Variants in PACS1 observed in about 807,000 individuals in gnomAD.
PACS1 encodes phosphofurin acidic cluster sorting protein 1, also known as PACS-1.
A neutral mutation model predicts 115.0 loss-of-function variants in PACS1; 24 were observed. The observed-to-expected ratio is 0.21, with a 90% CI of 0.15 to 0.29. The LOEUF (loss-of-function observed/expected upper bound fraction) is 0.29, where lower values mean the gene tolerates loss of function less well. PACS1 is among the 10% of genes least tolerant of loss of function. The pLI, the probability that PACS1 is intolerant of heterozygous loss-of-function variation, is 1.00. For synonymous variants in PACS1, 453 were observed against 504.5 expected, an observed-to-expected ratio of 0.90 and a Z score of 1.37; for missense variants, 838 against 1,251.2, an observed-to-expected ratio of 0.67 and a Z score of 4.98.
chr11:66,174,017 A>G (rs886230026), intron 1 of PACS1, among the ~76,000 whole-genome samples: 1 of 151,962 alleles, frequency 6.6e-6, no homozygotes, highest in African/African-American at 2.4e-5. Context: ...GTGCCATTGC[A>G]CTCCAGCTGG....
chr11:66,120,849 G>A (rs1858420914), intron 1 of PACS1, among the ~76,000 whole-genome samples: 1 of 152,146 alleles, frequency 6.6e-6, no homozygotes, highest in South Asian at 2.1e-4. Flanking sequence ...TCACTTCCCT[G>A]TTCTCCTAAC....
chr11:66,113,412 A>T (rs1029879125), intron 1 of PACS1, among the ~76,000 whole-genome samples: 1 of 152,108 alleles, frequency 6.6e-6, no homozygotes, highest in African/African-American at 2.4e-5. Flanking sequence ...CATCTTTCTA[A>T]TTGCAGGGTT....
chr11:66,139,835 T>C (rs1858938234), intron 1 of PACS1, among the ~76,000 whole-genome samples: 3 of 152,230 alleles, frequency 2.0e-5, no homozygotes, highest in Admixed American at 2.0e-4. Flanking sequence ...CTCTTTTCTA[T>C]ACTGATTTCC....
At chr11:66,189,896 C>T (rs1345387293) in intron 1 of PACS1, among the ~76,000 whole-genome samples, 1 of 152,192 alleles carries the variant, frequency 6.6e-6, no homozygotes, top group Non-Finnish European at 1.5e-5. Flanking sequence ...GGGAAAGGCA[C>T]TCAAGGCATT....
At chr11:66,140,788 T>C (rs1858961965) in intron 1 of PACS1, among the ~76,000 whole-genome samples, 1 of 152,096 alleles carries the variant, frequency 6.6e-6, no homozygotes, top group Non-Finnish European at 1.5e-5. Flanking sequence ...TTATATATAG[T>C]GTCTCTTTCT....
chr11:66,139,304 A>C (rs111550940), intron 1 of PACS1, among the ~76,000 whole-genome samples: 1,605 of 152,276 alleles, frequency 0.011, 27 homozygotes, highest in African/African-American at 0.036. Context: ...GGGGTGTCCA[A>C]CTCAAGCATT....
At chr11:66,228,721 G>T (rs924556674) in intron 11 of PACS1, among the ~76,000 whole-genome samples, 1 of 152,154 alleles carries the variant, frequency 6.6e-6, no homozygotes, top group Non-Finnish European at 1.5e-5. Context: ...TGAGGGTGAC[G>T]TCAGCATACC....
intron 1 of PACS1, among the ~76,000 whole-genome samples, chr11:66,156,197 T>A (rs537343788): frequency 7.5e-6 from 1 of 132,990 alleles, no homozygotes; most frequent in Non-Finnish European, 1.6e-5. Context: ...TTGTTTCATT[T>A]TTTAAATTAT....
chr11:66,166,824 A>G lies in PACS1; in HGVS notation c.357-26662A>G, dbSNP rs111715606. On this transcript the variant is annotated intron_variant, in intron 1 of 23. Transcript: ENST00000320580. Reference sequence around the variant, plus strand: ...CAGGCAGTGTTCTCAGTGCTTTTATATATATGGGCACTAAGAGCAACCCTA... The same window carrying G: ...CAGGCAGTGTTCTCAGTGCTTTTATGTATATGGGCACTAAGAGCAACCCTA... 2.7e-4 allele frequency among the ~76,000 whole-genome samples: 40 copies of G among 150,398 alleles called. 3 individuals carry two copies. The highest frequency in any genetic ancestry group is 9.8e-4 in the African/African-American group (39 of 39,770).
At chr11:66,153,490 TAAA>T (rs1296437988) in intron 1 of PACS1, among the ~76,000 whole-genome samples, 1 of 151,898 alleles carries the variant, frequency 6.6e-6, no homozygotes, top group Non-Finnish European at 1.5e-5. Context: ...ACCTAAAAAA[TAAA>T]AAACCTGGCC....
intron 2 of PACS1, among the ~76,000 whole-genome samples, chr11:66,205,159 A>G (rs1203798): frequency 0.4 from 60,564 of 151,454 alleles, 13,140 homozygotes; most frequent in Non-Finnish European, 0.48. Flanking sequence ...TAAATTTTGT[A>G]TTTTTAGTAG....
chr11:66,173,608 G>A (rs913914810), intron 1 of PACS1, among the ~76,000 whole-genome samples: 2 of 152,068 alleles, frequency 1.3e-5, no homozygotes, highest in Non-Finnish European at 2.9e-5. Flanking sequence ...TACTTGGGAG[G>A]CTGAGGCAGG....
chr11:66,243,504 C>T lies in PACS1; in HGVS notation c.*224C>T. On this transcript the variant is annotated 3_prime_UTR_variant, in exon 24 of 24. Transcript: ENST00000320580. ...TCCTCCTTCCCGCTTTTCCCCTTCT[C>T]CCTCCTGCTCCAGGCCCAAGGCGTG... 1 of 568,664 alleles carries T rather than the reference C, an allele frequency of 1.8e-6. No individual in the cohort carries two copies. The highest frequency in any genetic ancestry group is 3.2e-6 in the Non-Finnish European group (1 of 316,588). 35.2% of individuals were successfully genotyped at this position (568,664 alleles called of 1,614,324 possible). A position where few individuals can be genotyped will look rare whatever the true frequency, so the allele number is the denominator to read the frequency against.
intron 1 of PACS1, among the ~76,000 whole-genome samples, chr11:66,136,680 G>T (rs1858853556): frequency 6.6e-6 from 1 of 151,992 alleles, no homozygotes; most frequent in Non-Finnish European, 1.5e-5. Flanking sequence ...ATCTAGCCTT[G>T]GCCCGAGTGC....
intron 1 of PACS1, among the ~76,000 whole-genome samples, chr11:66,159,106 T>A (rs1859428757): frequency 6.6e-6 from 1 of 152,144 alleles, no homozygotes; most frequent in South Asian, 2.1e-4. Context: ...CTACACCTAG[T>A]CAAACTGTCA....
intron 1 of PACS1, among the ~76,000 whole-genome samples, chr11:66,174,872 CA>C (rs1338686961): frequency 2.6e-5 from 4 of 152,052 alleles, no homozygotes; most frequent in African/African-American, 9.7e-5. Flanking sequence ...GAATTTTGGC[CA>C]GGGGCAGTGG....
intron 1 of PACS1, among the ~76,000 whole-genome samples, chr11:66,185,054 G>A (rs1359430970): frequency 5.9e-5 from 9 of 152,148 alleles, no homozygotes; most frequent in Non-Finnish European, 1.5e-5. Flanking sequence ...CTATTGCCTC[G>A]CTGCTTTTAT....
chr11:66,240,627 C>G (rs1234402876), intron 21 of PACS1, among the ~76,000 whole-genome samples: 1 of 152,034 alleles, frequency 6.6e-6, no homozygotes, highest in African/African-American at 2.4e-5. Flanking sequence ...GAAGTACCCA[C>G]GCAGCCAAGT....
intron 2 of PACS1, among the ~76,000 whole-genome samples, chr11:66,194,852 G>T (rs1854614019): frequency 6.6e-6 from 1 of 152,206 alleles, no homozygotes; most frequent in Non-Finnish European, 1.5e-5. Flanking sequence ...CTCTCAGTGT[G>T]TGAATCATAT....
Sources: gnomAD v4.1 joint callset for allele counts (sites outside exome capture counted in the v4.1 genomes callset) on GRCh38, gnomAD v4.1.1 for gene constraint, MANE v1.5 for transcripts, NCBI Gene and HGNC (gene_info 2026-07-23, HGNC 2026-07-21) for gene names.